The following SND1 variants were observed in gnomAD, a reference collection of about 807,000 sequenced individuals.
SND1 encodes the protein staphylococcal nuclease and tudor domain containing 1.
A neutral mutation model predicts 121.7 loss-of-function variants in SND1; 38 were observed. The observed-to-expected ratio is 0.31, with a 90% CI of 0.24 to 0.41. The LOEUF (loss-of-function observed/expected upper bound fraction) is 0.41, where lower values mean the gene tolerates loss of function less well. Ranked by LOEUF, SND1 falls within the 10% of genes least tolerant of loss-of-function variation. The pLI, the probability that SND1 is intolerant of heterozygous loss-of-function variation, is 1.00. For missense variants in SND1, 868 were observed against 1,184.6 expected, an observed-to-expected ratio of 0.73 and a Z score of 3.92; for synonymous variants, 401 against 447.4, an observed-to-expected ratio of 0.90 and a Z score of 1.31.
Position 128,085,797 on chromosome 7 carries a change from A to G in SND1, c.2304+17A>G. ...TACGGCAACGTGAGTGTTGGGGACC[A>G]GAGTGTTGGAGGGGCTATCAAACAC... On this transcript the variant is annotated intron_variant, in intron 20 of 23. Coordinates refer to ENST00000354725, the MANE Select transcript of SND1 (RefSeq NM_014390.4). This position sits in a 1 kb window ranked among gnomAD's most constrained non-coding sequence, Gnocchi z 4.4. 6.2e-7 allele frequency: 1 copy of G among 1,607,700 alleles called. No individual in the cohort carries two copies. Among genetic ancestry groups the G allele is most frequent in the Non-Finnish European group, 8.5e-7 (1 of 1,174,256 alleles).
Position 127,721,376 on chromosome 7 carries a change from G to A in SND1, c.1128G>A (p.Pro376=), listed in dbSNP as rs750167911. ...TTCACCTGTCCAGCATCCGACCACC[G>A]AGGCTGGAGGGGGAGAACACCCAGG... ...KTIHLSSIRP[P]RLEGENTQDK... Residue 376 remains proline (P), a synonymous_variant, in exon 10 of 24, where the codon CCG becomes CCA. Transcript: ENST00000354725. The A allele has an allele frequency of 4.0e-5, 64 of 1,611,774 alleles. No individual in the cohort carries two copies. Among genetic ancestry groups the A allele is most frequent in the Admixed American group, 5.0e-5 (3 of 59,980 alleles).
At chr7:127,878,167 G>A (rs1410471658) in intron 12 of SND1, among the ~76,000 whole-genome samples, 1 of 152,110 alleles carries the variant, frequency 6.6e-6, no homozygotes, top group Non-Finnish European at 1.5e-5. Context: ...CCATGAGGAA[G>A]AATGATTAGG....
intron 10 of SND1, among the ~76,000 whole-genome samples, chr7:127,778,402 T>G (rs1797660559): frequency 6.6e-6 from 1 of 152,142 alleles, no homozygotes; most frequent in African/African-American, 2.4e-5. Context: ...TTTCACCATT[T>G]TGGCCAGGAT....
At chr7:128,010,984 C>A (rs1803103417) in intron 16 of SND1, among the ~76,000 whole-genome samples, 1 of 152,126 alleles carries the variant, frequency 6.6e-6, no homozygotes, top group Non-Finnish European at 1.5e-5. Flanking sequence ...GATACAGCCT[C>A]ATCTTTTTGC....
intron 15 of SND1, among the ~76,000 whole-genome samples, chr7:127,953,120 C>G (rs1183556944): frequency 6.7e-6 from 1 of 148,572 alleles, no homozygotes; most frequent in African/African-American, 2.5e-5. Flanking sequence ...GCCATGGTCA[C>G]TCCACTGCAC....
intron 14 of SND1, among the ~76,000 whole-genome samples, chr7:127,914,325 C>CT (rs981752295): frequency 6.6e-6 from 1 of 152,160 alleles, no homozygotes; most frequent in Non-Finnish European, 1.5e-5. Flanking sequence ...CACATTTCTT[C>CT]TTTTTGCAAT....
At chr7:127,914,738 G>A (rs1800535283) in intron 14 of SND1, among the ~76,000 whole-genome samples, 1 of 152,158 alleles carries the variant, frequency 6.6e-6, no homozygotes, top group Admixed American at 6.5e-5. Flanking sequence ...CAGAAAGGGT[G>A]CATGTCTTCT....
intron 15 of SND1, among the ~76,000 whole-genome samples, chr7:127,942,332 G>A (rs1801231390): frequency 6.6e-6 from 1 of 152,122 alleles, no homozygotes; most frequent in African/African-American, 2.4e-5. Context: ...CCAAGTTAGA[G>A]GTGGGTCTTT....
At chr7:127,663,625 C>G (rs1353952054) in intron 1 of SND1, among the ~76,000 whole-genome samples, 1 of 152,184 alleles carries the variant, frequency 6.6e-6, no homozygotes, top group Non-Finnish European at 1.5e-5. Context: ...ATCCGCCTAC[C>G]TCGGCCTCCC....
intron 1 of SND1, among the ~76,000 whole-genome samples, chr7:127,671,188 C>A (rs143326018): frequency 1.3e-5 from 2 of 152,106 alleles, no homozygotes; most frequent in Non-Finnish European, 2.9e-5. Context: ...CTACAACAGC[C>A]TTTAGTATGT....
At chr7:127,787,727 T>C (rs1230115778) in intron 10 of SND1, among the ~76,000 whole-genome samples, 2 of 152,236 alleles carry the variant, frequency 1.3e-5, no homozygotes, top group East Asian at 3.8e-4. Flanking sequence ...GTAAGAGGCC[T>C]AAAAGACGTA....
At chr7:127,778,132 A>G (rs887952750) in intron 10 of SND1, among the ~76,000 whole-genome samples, 2 of 151,932 alleles carry the variant, frequency 1.3e-5, no homozygotes, top group Non-Finnish European at 2.9e-5. Context: ...CAAAACCATA[A>G]CTGGTCATGT....
At chr7:127,740,471 C>T (rs554406017) in intron 10 of SND1, among the ~76,000 whole-genome samples, 1 of 152,300 alleles carries the variant, frequency 6.6e-6, no homozygotes, top group Admixed American at 6.5e-5. Flanking sequence ...AGCAACTCAT[C>T]TGTGTATCAA....
intron 14 of SND1, among the ~76,000 whole-genome samples, chr7:127,923,889 C>CT (rs984380257): frequency 4.6e-5 from 7 of 151,762 alleles, no homozygotes; most frequent in Non-Finnish European, 7.4e-5. Context: ...TCTCCACACT[C>CT]TTTTTTTTCC....
At chr7:128,032,294 T>A (rs941457194) in intron 16 of SND1, among the ~76,000 whole-genome samples, 2 of 149,452 alleles carry the variant, frequency 1.3e-5, no homozygotes, top group African/African-American at 2.5e-5. Flanking sequence ...TCCTTCCTCC[T>A]CTCTTCCTCT....
chr7:127,793,920 C>T (rs755379746), intron 10 of SND1, among the ~76,000 whole-genome samples: 1 of 152,112 alleles, frequency 6.6e-6, no homozygotes, highest in African/African-American at 2.4e-5. Flanking sequence ...AAGTTTGTTA[C>T]GGTCCCTTCA....
intron 10 of SND1, among the ~76,000 whole-genome samples, chr7:127,775,662 C>T (rs1404822299): frequency 6.6e-6 from 1 of 151,966 alleles, no homozygotes; most frequent in Non-Finnish European, 1.5e-5. Flanking sequence ...TCTTCCTAAG[C>T]ATCTGCCCTT....
chr7:127,716,663 C>T (rs1175058750), intron 9 of SND1, among the ~76,000 whole-genome samples: 1 of 152,066 alleles, frequency 6.6e-6, no homozygotes, highest in Non-Finnish European at 1.5e-5. Context: ...TTCTTTCCTT[C>T]CAATTTAGAT....
intron 15 of SND1, among the ~76,000 whole-genome samples, chr7:127,987,519 C>T (rs1349759802): frequency 6.6e-6 from 1 of 152,152 alleles, no homozygotes; most frequent in Non-Finnish European, 1.5e-5. Context: ...TGTGTGGTCT[C>T]CTCTCTACCA....
Sources: gnomAD v4.1 joint callset for allele counts (sites outside exome capture counted in the v4.1 genomes callset) on GRCh38, gnomAD v4.1.1 for gene constraint, Gnocchi (gnomAD v3.1) non-coding constraint, MANE v1.5 for transcripts, NCBI Gene and HGNC (gene_info 2026-07-23, HGNC 2026-07-21) for gene names.